The following RBFOX1 variants were observed in gnomAD, a reference collection of about 807,000 sequenced individuals.
RBFOX1 encodes the protein RNA binding protein fox-1 homolog 1.
Under a neutral mutation model 57.7 loss-of-function variants are expected in RBFOX1, and 8 were observed. That is an observed-to-expected ratio of 0.14 (90% CI 0.08 to 0.25). RBFOX1 has a LOEUF of 0.25. RBFOX1 is among the 10% of genes least tolerant of loss of function. The pLI, the probability that RBFOX1 is intolerant of heterozygous loss-of-function variation, is 1.00. For synonymous variants in RBFOX1, 326 were observed against 222.4 expected (o/e 1.47, Z -4.15); for missense variants, 611 against 548.5 (o/e 1.11, Z -1.14).
intron 2 of RBFOX1, among the ~76,000 whole-genome samples, chr16:6,641,738 A>G (rs1384306350): frequency 3.8e-5 from 1 of 26,064 alleles, no homozygotes; most frequent in East Asian, 1.5e-3. Flanking sequence ...CCGTCTCAAA[A>G]AAAAAAAAAA....
intron 2 of RBFOX1, chr16:6,483,214 A>C (rs545094761): frequency 8.3e-6 from 10 of 1,207,144 alleles, no homozygotes; most frequent in African/African-American, 1.6e-5. Flanking sequence ...CCGGCCGGGG[A>C]AGCCGGACCC....
intron 4 of RBFOX1, among the ~76,000 whole-genome samples, chr16:5,960,881 G>A (rs550520078): frequency 6.6e-6 from 1 of 152,330 alleles, no homozygotes; most frequent in Admixed American, 6.5e-5. Flanking sequence ...TTGATAGGCT[G>A]TTGACAGAGT....
At chr16:6,769,558 C>G (rs1223760844) in intron 3 of RBFOX1, among the ~76,000 whole-genome samples, 1 of 152,166 alleles carries the variant, frequency 6.6e-6, no homozygotes, top group Non-Finnish European at 1.5e-5. Context: ...CCTGTTTTTG[C>G]CTATTCGTGA....
At chr16:6,975,163 G>T (rs2086540013) in intron 3 of RBFOX1, among the ~76,000 whole-genome samples, 1 of 152,158 alleles carries the variant, frequency 6.6e-6, no homozygotes, top group Non-Finnish European at 1.5e-5. Flanking sequence ...AGCTCTGTGG[G>T]TTCCTGTGAT....
At chr16:6,478,439 T>A (rs1165303767) in intron 2 of RBFOX1, among the ~76,000 whole-genome samples, 110 of 113,708 alleles carry the variant, frequency 9.7e-4, no homozygotes, top group African/African-American at 4.0e-3. Flanking sequence ...ATTTTTTTTT[T>A]TTTTTTTTGT....
intron 2 of RBFOX1, among the ~76,000 whole-genome samples, chr16:6,642,255 C>G (rs2098497919): frequency 6.6e-6 from 1 of 152,268 alleles, no homozygotes; most frequent in South Asian, 2.1e-4. Context: ...GAGAAGTATT[C>G]TTCTTAAAAG....
intron 3 of RBFOX1, among the ~76,000 whole-genome samples, chr16:5,659,077 C>G (rs1360215098): frequency 2.0e-5 from 3 of 151,910 alleles, no homozygotes; most frequent in Non-Finnish European, 2.9e-5. Context: ...TTTAAGGAAT[C>G]TCCACACTGT....
At chr16:5,731,680 TC>T (rs1230918206) in intron 3 of RBFOX1, among the ~76,000 whole-genome samples, 2 of 151,756 alleles carry the variant, frequency 1.3e-5, no homozygotes, top group African/African-American at 4.8e-5. Context: ...AAGTCAGAAA[TC>T]CCCCCTGGAT....
intron 3 of RBFOX1, among the ~76,000 whole-genome samples, chr16:6,849,290 G>C (rs754062924): frequency 1.6e-4 from 25 of 152,112 alleles, no homozygotes; most frequent in African/African-American, 5.1e-4. Flanking sequence ...GCAATATTCT[G>C]CTCATTGGCA....
chr16:6,426,271 G>A (rs1398689777), intron 2 of RBFOX1, among the ~76,000 whole-genome samples: 2 of 151,972 alleles, frequency 1.3e-5, no homozygotes, highest in African/African-American at 4.8e-5. Context: ...ATGGGGAGAT[G>A]AAGAGAAAGA....
At chr16:7,325,875 G>A (rs1452988725) in intron 4 of RBFOX1, among the ~76,000 whole-genome samples, 1 of 152,182 alleles carries the variant, frequency 6.6e-6, no homozygotes, top group Admixed American at 6.6e-5. Flanking sequence ...GTCCATGCTA[G>A]GTAATGCTTT....
chr16:6,615,394 A>T (rs889223434), intron 2 of RBFOX1, among the ~76,000 whole-genome samples: 8 of 152,068 alleles, frequency 5.3e-5, no homozygotes, highest in Admixed American at 2.0e-4. Context: ...ACATGCCAAA[A>T]CCCCGTCTCT....
chr16:6,183,161 T>C (rs958016617), intron 1 of RBFOX1, among the ~76,000 whole-genome samples: 2 of 152,130 alleles, frequency 1.3e-5, no homozygotes, highest in Non-Finnish European at 2.9e-5. Flanking sequence ...AAAAACAATG[T>C]ATTAATCGCC....
At chr16:5,417,909 C>T (rs1006252128) in intron 1 of RBFOX1, among the ~76,000 whole-genome samples, 1 of 152,050 alleles carries the variant, frequency 6.6e-6, no homozygotes, top group Non-Finnish European at 1.5e-5. Context: ...AGTGGAACCG[C>T]ATCTCTACTA....
At chr16:7,706,480 G>C (rs1214836474) in intron 14 of RBFOX1, among the ~76,000 whole-genome samples, 1 of 152,210 alleles carries the variant, frequency 6.6e-6, no homozygotes, top group Non-Finnish European at 1.5e-5. Context: ...AGTAGGAAAA[G>C]GTGGGAGCTA....
At chr16:6,670,514 T>C (rs1229496336) in intron 3 of RBFOX1, among the ~76,000 whole-genome samples, 2 of 152,126 alleles carry the variant, frequency 1.3e-5, no homozygotes, top group Non-Finnish European at 1.5e-5. Context: ...GAGCTAAGGA[T>C]ATAACAGAAA....
intron 2 of RBFOX1, among the ~76,000 whole-genome samples, chr16:6,549,670 T>G (rs751172844): frequency 5.9e-5 from 9 of 151,914 alleles, no homozygotes; most frequent in Non-Finnish European, 1.2e-4. Context: ...TCTGAGCAAA[T>G]CCCTAGACGA....
intron 4 of RBFOX1, among the ~76,000 whole-genome samples, chr16:7,293,628 C>T (rs1478067260): frequency 1.3e-5 from 2 of 152,078 alleles, no homozygotes; most frequent in South Asian, 2.1e-4. Context: ...TGCCTGTAAC[C>T]GTGAATTGCA....
At chr16:5,351,896 T>C (rs532409193) in intron 1 of RBFOX1, among the ~76,000 whole-genome samples, 6 of 152,260 alleles carry the variant, frequency 3.9e-5, no homozygotes, top group Admixed American at 3.3e-4. Context: ...CTCTACCTCC[T>C]GGGTTCAAGC....
Sources: gnomAD v4.1 joint callset for allele counts (sites outside exome capture counted in the v4.1 genomes callset) on GRCh38, gnomAD v4.1.1 for gene constraint, MANE v1.5 for transcripts, NCBI Gene and HGNC (gene_info 2026-07-23, HGNC 2026-07-21) for gene names.